The following TBC1D1 variants were observed in gnomAD, a reference collection of about 807,000 sequenced individuals.
TBC1D1 encodes TBC1 (tre-2/USP6, BUB2, cdc16) domain family, member 1.
A neutral mutation model predicts 125.6 loss-of-function variants in TBC1D1; 89 were observed. The ratio of observed to expected loss-of-function variants is 0.71; its 90% confidence interval spans 0.60 to 0.85. The LOEUF is 0.85. TBC1D1 is among the 40% of genes least tolerant of loss of function. TBC1D1 has a pLI of 0.00. For missense variants in TBC1D1, 1,377 were observed against 1,469.2 expected (o/e 0.94, Z 1.03); for synonymous variants, 565 against 564.1 (o/e 1.00, Z -0.02).
At chr4:38,137,062 C>G (rs1766752296) in intron 19 of TBC1D1, 73 bp from the exon 22 acceptor site, 1 of 1,603,358 alleles carries the variant, frequency 6.2e-7, no homozygotes, top group Admixed American at 1.7e-5. Context: ...CAAGGCTGGA[C>G]AGCGTGTGGG....
chr4:37,999,126 G>A (rs1205104557), intron 2 of TBC1D1, among the ~76,000 whole-genome samples: 1 of 152,166 alleles, frequency 6.6e-6, no homozygotes, highest in Non-Finnish European at 1.5e-5. Context: ...GTGGGCGCCT[G>A]TAATCCCAGC....
chr4:37,913,718 C>G (rs1202273791), intron 2 of TBC1D1, among the ~76,000 whole-genome samples: 1 of 150,314 alleles, frequency 6.7e-6, no homozygotes, highest in East Asian at 2.0e-4. Flanking sequence ...ATTCCAGCTC[C>G]CTCCAGTTAC....
chr4:38,061,655 T>G (rs1458947471), intron 12 of TBC1D1, among the ~76,000 whole-genome samples: 2 of 152,004 alleles, frequency 1.3e-5, no homozygotes, highest in Non-Finnish European at 2.9e-5. Context: ...AAGTTCAAAG[T>G]TTTTTTTGTC....
At chr4:38,031,490 T>C (rs1182479980) in intron 7 of TBC1D1, among the ~76,000 whole-genome samples, 1 of 152,216 alleles carries the variant, frequency 6.6e-6, no homozygotes, top group Non-Finnish European at 1.5e-5. Flanking sequence ...AGTGTCCAAG[T>C]GAGTTTTAAG....
At chr4:38,087,063 C>T (rs990001002) in intron 12 of TBC1D1, among the ~76,000 whole-genome samples, 2 of 152,250 alleles carry the variant, frequency 1.3e-5, no homozygotes, top group Middle Eastern at 3.4e-3. Flanking sequence ...TATCACCTGT[C>T]CTATGAGATT....
At chr4:37,994,572 GAGCTAA>G (rs1360333284) in intron 2 of TBC1D1, among the ~76,000 whole-genome samples, 3 of 152,160 alleles carry the variant, frequency 2.0e-5, no homozygotes, top group African/African-American at 7.2e-5. Flanking sequence ...GAGAAGAGTG[GAGCTAA>G]TGCCTCTTTC....
intron 2 of TBC1D1, among the ~76,000 whole-genome samples, chr4:37,917,201 T>C (rs977412497): frequency 6.6e-5 from 10 of 151,274 alleles, no homozygotes; most frequent in Non-Finnish European, 1.2e-4. Flanking sequence ...GGGCCAGGCA[T>C]GGTGGCTCAA....
At chr4:37,899,308 A>G (rs1715330203) in intron 1 of TBC1D1, among the ~76,000 whole-genome samples, 1 of 152,156 alleles carries the variant, frequency 6.6e-6, no homozygotes, top group African/African-American at 2.4e-5. Context: ...AGACCGAGTT[A>G]GCTTTAAAAT....
At chr4:37,944,501 C>A (rs992571728) in intron 2 of TBC1D1, among the ~76,000 whole-genome samples, 3 of 152,208 alleles carry the variant, frequency 2.0e-5, no homozygotes, top group African/African-American at 7.2e-5. Flanking sequence ...AGCTTCCCGG[C>A]CGCTTTGTTT....
chr4:38,075,010 T>G (rs112192078), intron 12 of TBC1D1, among the ~76,000 whole-genome samples: 8 of 152,244 alleles, frequency 5.3e-5, no homozygotes, highest in African/African-American at 1.9e-4. Context: ...CCGCCTGCCT[T>G]GGTCTCCCAA....
At chr4:38,054,598 G>A (rs535006618) in intron 12 of TBC1D1, among the ~76,000 whole-genome samples, 1 of 152,164 alleles carries the variant, frequency 6.6e-6, no homozygotes, top group Non-Finnish European at 1.5e-5. Context: ...GTTAACCAGC[G>A]GTGAATCCAG....
In TBC1D1 at chr4:38,137,253, C is replaced by T. The variant is rs151143743; in HGVS notation, c.3425C>T (p.Thr1142Met). ...CTGGAGCGGTCGGCCCTGCTGCAGA[C>T]GGTGGAGGAGCTGCGGCGGCGGAGC... Residue 1142 changes from threonine (T) to methionine (M), a missense_variant, in exon 20 of 20, where the codon ACG becomes ATG. Thr to Met is a moderately conservative substitution (Grantham distance 81). Around this residue, in one of 3 missense-constraint regions of TBC1D1, gnomAD observed 543 missense variants for 613.5 expected, o/e 0.89. Coordinates refer to ENST00000261439, the MANE Select transcript of TBC1D1 (RefSeq NM_015173.4). 89 of 1,612,086 alleles carry T rather than the reference C, an allele frequency of 5.5e-5. No individual in the cohort carries two copies. The highest frequency in any genetic ancestry group is 4.5e-4 in the East Asian group (20 of 44,858).
chr4:38,081,560 C>T (rs1375943710), intron 12 of TBC1D1, among the ~76,000 whole-genome samples: 1 of 152,158 alleles, frequency 6.6e-6, no homozygotes, highest in African/African-American at 2.4e-5. Context: ...TATCCCCAAC[C>T]CCAGTCTGAT....
At chr4:37,933,037 C>A (rs1221463540) in intron 2 of TBC1D1, among the ~76,000 whole-genome samples, 1 of 149,044 alleles carries the variant, frequency 6.7e-6, no homozygotes, top group Non-Finnish European at 1.5e-5. Flanking sequence ...GGGTGACAGA[C>A]TGAGACTCCA....
rs1300675762 is a variant in TBC1D1 at position 38,051,482 on chromosome 4, ATAT to A, written c.1910+1589_1910+1591del. Among the ~76,000 whole-genome samples, 10 of 152,150 alleles carry A rather than the reference ATAT, an allele frequency of 6.6e-5. No homozygotes were observed. The East Asian group carries it at 1.5e-3, about 23-fold the overall frequency. ...CCTGAAAAAGAAAATAGAGAAAGAA[ATAT>A]TATTGTTCCTGGGCGAAGTGGCTCA... On this transcript the variant is annotated intron_variant, in intron 11 of 19. Transcript: ENST00000261439.
chr4:38,085,144 T>G (rs1452878628), intron 12 of TBC1D1, among the ~76,000 whole-genome samples: 2 of 152,148 alleles, frequency 1.3e-5, no homozygotes, highest in Non-Finnish European at 2.9e-5. Flanking sequence ...AGCACAGAGT[T>G]GTTGGGGAAT....
At chr4:37,937,796 T>C (rs990351055) in intron 2 of TBC1D1, among the ~76,000 whole-genome samples, 1 of 152,094 alleles carries the variant, frequency 6.6e-6, no homozygotes, top group African/African-American at 2.4e-5. Flanking sequence ...CGGCCATGTG[T>C]GGTGTTGCTG....
intron 2 of TBC1D1, among the ~76,000 whole-genome samples, chr4:38,012,113 G>A (rs1741631008): frequency 6.6e-6 from 1 of 152,190 alleles, no homozygotes; most frequent in Admixed American, 6.5e-5. Flanking sequence ...GTTAGTAATT[G>A]GGAAGACTCA....
intron 2 of TBC1D1, chr4:37,952,577 A>G (rs1489280509): frequency 6.2e-6 from 1 of 160,030 alleles, no homozygotes; most frequent in Non-Finnish European, 1.4e-5. Flanking sequence ...GAGCTGAACA[A>G]TGAGAACACG....
Sources: gnomAD v4.1 joint callset for allele counts (sites outside exome capture counted in the v4.1 genomes callset) on GRCh38, gnomAD v4.1.1 for gene constraint, gnomAD v4.1.1 regional missense constraint, MANE v1.5 for transcripts, NCBI Gene and HGNC (gene_info 2026-07-23, HGNC 2026-07-21) for gene names.